The following ETNK1 variants were observed in gnomAD, a reference collection of about 807,000 sequenced individuals.
ETNK1 encodes putative protein product of Nbla10396.
Under a neutral mutation model 45.1 loss-of-function variants are expected in ETNK1, and 8 were observed. The ratio of observed to expected loss-of-function variants is 0.18; its 90% confidence interval spans 0.10 to 0.32. The LOEUF is 0.32. Among genes scored for constraint, ETNK1 ranks in the 10% least tolerant of loss-of-function variants. The pLI, the probability that ETNK1 is intolerant of heterozygous loss-of-function variation, is 1.00. For missense variants in ETNK1, 302 were observed against 430.6 expected (o/e 0.70, Z 2.64); for synonymous variants, 152 against 151.9 (o/e 1.00, Z -0.01).
intron 1 of ETNK1, chr12:22,625,806 C>G (rs1338426393): frequency 4.0e-6 from 3 of 756,498 alleles, no homozygotes; most frequent in Non-Finnish European, 6.9e-6. Flanking sequence ...CACATTTTCT[C>G]TTTCTAGAAG....
intron 4 of ETNK1, among the ~76,000 whole-genome samples, chr12:22,663,086 C>T (rs538782408): frequency 4.5e-4 from 69 of 152,228 alleles, no homozygotes; most frequent in South Asian, 2.1e-3. Context: ...TTTAAAATTT[C>T]GAGCATACCC....
chr12:22,628,238 G>A lies in ETNK1; in HGVS notation c.156+2652G>A, dbSNP rs150469058. On this transcript the variant is annotated intron_variant, in intron 1 of 7. Coordinates refer to ENST00000266517, the MANE Select transcript of ETNK1 (RefSeq NM_018638.5). The stretch of plus-strand genomic sequence containing the variant: ...TATAGTTAATGAAACTGAATTTGCC[G>A]TTTACAAATGGCAGATCTGAGATGA... Among the ~76,000 whole-genome samples the A allele has an allele frequency of 1.2e-3, 176 of 152,108 alleles. 1 individual carries two copies. The highest frequency in any genetic ancestry group is 3.5e-3 in the African/African-American group (147 of 41,564).
intron 6 of ETNK1, among the ~76,000 whole-genome samples, chr12:22,674,152 T>A (rs529783615): frequency 6.6e-6 from 1 of 152,222 alleles, no homozygotes; most frequent in African/African-American, 2.4e-5. Context: ...TATTTCCAGC[T>A]TTATTGGTGT....
chr12:22,644,145 C>A, intron 2 of ETNK1, 123 bp downstream of exon 2: 1 of 1,503,236 alleles, frequency 6.7e-7, no homozygotes, highest in Non-Finnish European at 9.0e-7. Flanking sequence ...CTTTCTTTAG[C>A]TAGGGTTTTT....
At position 22,689,982 on chromosome 12, in the gene ETNK1, T is replaced by C. The variant is rs1954290357; in HGVS notation, c.*5028T>C. The stretch of plus-strand genomic sequence containing the variant: ...ATTTGAGTTTTAAAATATACTGTTA[T>C]TAAAAGGAAAAAGACATGGCCATTA... On this transcript the variant is annotated 3_prime_UTR_variant, in exon 8 of 8. Transcript: ENST00000266517. The C allele has an allele frequency of 6.6e-6, 1 of 152,476 alleles. No individual in the cohort carries two copies. The highest frequency in any genetic ancestry group is 2.1e-4 in the South Asian group (1 of 4,828). 9.4% of individuals were successfully genotyped at this position (152,476 alleles called of 1,614,324 possible). A position where few individuals can be genotyped will look rare whatever the true frequency, so the allele number is the denominator to read the frequency against.
intron 4 of ETNK1, among the ~76,000 whole-genome samples, chr12:22,668,203 A>G (rs1175002775): frequency 6.6e-6 from 1 of 152,232 alleles, no homozygotes; most frequent in Non-Finnish European, 1.5e-5. Flanking sequence ...TTGTCTTTTC[A>G]TCCTTGAAAC....
intron 2 of ETNK1, among the ~76,000 whole-genome samples, chr12:22,645,072 T>A (rs1201126639): frequency 2.0e-5 from 3 of 151,874 alleles, no homozygotes; most frequent in Admixed American, 2.0e-4. Context: ...TTTACATGAG[T>A]CTAGTCTTTA....
chr12:22,662,836 T>C (rs1262729084), intron 4 of ETNK1, among the ~76,000 whole-genome samples: 1 of 152,220 alleles, frequency 6.6e-6, no homozygotes, highest in Non-Finnish European at 1.5e-5. Context: ...TTTATGACCC[T>C]TCTTAGAGTG....
At chr12:22,635,539 C>T (rs1211000151) in intron 1 of ETNK1, among the ~76,000 whole-genome samples, 2 of 152,162 alleles carry the variant, frequency 1.3e-5, no homozygotes, top group Admixed American at 1.3e-4. Context: ...ACTTCTACTC[C>T]TGATATTAGG....
chr12:22,648,791 C>T (rs1443295796), intron 2 of ETNK1, among the ~76,000 whole-genome samples: 6 of 152,006 alleles, frequency 3.9e-5, no homozygotes, highest in Admixed American at 3.9e-4. Context: ...TTGTAATAAA[C>T]CGCCGAACTG....
chr12:22,635,145 A>G (rs1025271625), intron 1 of ETNK1, among the ~76,000 whole-genome samples: 21 of 152,332 alleles, frequency 1.4e-4, no homozygotes, highest in Admixed American at 1.2e-3. Context: ...TTACCAAGCG[A>G]TAGAGTCCTC....
intron 2 of ETNK1, among the ~76,000 whole-genome samples, chr12:22,656,230 TA>T (rs1265502838): frequency 2.0e-5 from 3 of 152,224 alleles, no homozygotes; most frequent in African/African-American, 7.2e-5. Flanking sequence ...TCAGGTAATT[TA>T]AAAACTGCTT....
At chr12:22,663,204 C>T (rs1463067614) in intron 4 of ETNK1, among the ~76,000 whole-genome samples, 1 of 152,038 alleles carries the variant, frequency 6.6e-6, no homozygotes, top group Non-Finnish European at 1.5e-5. Flanking sequence ...AATCTCAATG[C>T]CATTTGTGAG....
chr12:22,670,369 ATTT>A (rs72477831), intron 4 of ETNK1, among the ~76,000 whole-genome samples: 14 of 145,092 alleles, frequency 9.6e-5, no homozygotes, highest in African/African-American at 1.5e-4. Flanking sequence ...ACCCACATTG[ATTT>A]TTTTTTTTTT....
At chr12:22,684,458 T>C (rs1469626475) in intron 6 of ETNK1, 25 bp from the exon 7 acceptor site, 2 of 1,552,388 alleles carry the variant, frequency 1.3e-6, no homozygotes, top group Non-Finnish European at 1.8e-6. Flanking sequence ...ATCATAATTT[T>C]TGATTTTTCT....
chr12:22,679,335 C>A (rs1954191236), intron 6 of ETNK1, among the ~76,000 whole-genome samples: 1 of 152,136 alleles, frequency 6.6e-6, no homozygotes, highest in Non-Finnish European at 1.5e-5. Flanking sequence ...AGGAAGCATC[C>A]AACATGGGGA....
At chr12:22,645,526 C>T (rs1440814608) in intron 2 of ETNK1, among the ~76,000 whole-genome samples, 1 of 151,482 alleles carries the variant, frequency 6.6e-6, no homozygotes, top group African/African-American at 2.4e-5. Flanking sequence ...TATTTCTTTC[C>T]CAAATGCCAA....
rs746177406 is a variant in ETNK1, at chr12:22,659,193, G to A, written c.557+39G>A. On this transcript the variant is annotated intron_variant, in intron 3 of 7. Coordinates refer to ENST00000266517, the MANE Select transcript of ETNK1 (RefSeq NM_018638.5). ...TACATTTGAAATTATGTTTTACATT[G>A]CTTTGCTCTATGATAGGGTTTCAAA... 4.4e-6 allele frequency: 7 copies of A among 1,578,966 alleles called. No individual in the cohort carries two copies. The African/African-American group carries it at 8.1e-5, about 18-fold the overall frequency.
chr12:22,668,008 T>C (rs2137565113), intron 4 of ETNK1, among the ~76,000 whole-genome samples: 1 of 152,334 alleles, frequency 6.6e-6, no homozygotes, highest in East Asian at 1.9e-4. Context: ...TATCCATTAA[T>C]CATATACTTT....
Sources: gnomAD v4.1 joint callset for allele counts (sites outside exome capture counted in the v4.1 genomes callset) on GRCh38, gnomAD v4.1.1 for gene constraint, MANE v1.5 for transcripts, NCBI Gene and HGNC (gene_info 2026-07-23, HGNC 2026-07-21) for gene names.